CCDC42: variants seen among roughly 807,000 people sequenced by gnomAD.
CCDC42 encodes coiled-coil domain-containing protein 42.
A neutral mutation model predicts 40.8 loss-of-function variants in CCDC42; 38 were observed. The observed-to-expected ratio is 0.93, with a 90% confidence interval of 0.72 to 1.22. The LOEUF (loss-of-function observed/expected upper bound fraction) is 1.22, where lower values mean the gene tolerates loss of function less well. CCDC42 is among the 50% of genes most tolerant of loss of function. The probability of loss-of-function intolerance (pLI) is 0.00; values close to 1 mark genes in which losing one functional copy is unlikely to be tolerated. For missense variants in CCDC42, 379 were observed against 416.5 expected, an observed-to-expected ratio of 0.91 and a Z score of 0.78; for synonymous variants, 135 against 157.5, an observed-to-expected ratio of 0.86 and a Z score of 1.07.
rs749601477 is a variant in CCDC42 at position 8,741,504 on chromosome 17, C to T, written c.462G>A (p.Lys154=). The T allele has an allele frequency of 1.2e-5, 20 of 1,614,114 alleles. No individual in the cohort carries two copies. The South Asian group carries it at 1.6e-4, about 13-fold the overall frequency. The change falls in exon 4 of 7, where the codon AAG becomes AAA. Residue 154 remains lysine (K), a synonymous_variant. Coordinates refer to ENST00000293845, the MANE Select transcript of CCDC42 (RefSeq NM_144681.3). ...AGTTCTCCACCACCTTCTCTAGGTA[C>T]TTGTTGAAGATGTAGTAGTCCTTCA... ...AKLKDYYIFN[K]YLEKVVENSE...
At chr17:8,740,723 G>A (rs1313957768) in intron 4 of CCDC42, among the ~76,000 whole-genome samples, 1 of 152,068 alleles carries the variant, frequency 6.6e-6, no homozygotes, top group Non-Finnish European at 1.5e-5. Flanking sequence ...AAGTTCCCTG[G>A]GCTCCGGCTA....
intron 6 of CCDC42, among the ~76,000 whole-genome samples, chr17:8,733,085 C>T (rs532542917): frequency 9.3e-4 from 142 of 152,198 alleles, no homozygotes; most frequent in Non-Finnish European, 1.8e-3. Flanking sequence ...CACATTGTCT[C>T]GGAGGAAACC....
intron 2 of CCDC42, 149 bp from the exon 3 acceptor site, chr17:8,743,879 C>G: frequency 1.5e-6 from 1 of 666,910 alleles, no homozygotes; most frequent in Non-Finnish European, 2.6e-6. Flanking sequence ...ATGCCTGGCC[C>G]AGAGCAGAGC....
Position 8,744,728 on chromosome 17 carries a change from G to A in CCDC42, c.-119C>T, listed in dbSNP as rs2086668219. On this transcript the variant is annotated 5_prime_UTR_variant, in exon 1 of 7. Coordinates refer to ENST00000293845, the MANE Select transcript of CCDC42 (RefSeq NM_144681.3). ...CTTGTTTCTCCCTTCGGCCTACAGG[G>A]TCCCACAGATGATGGAGTTTGAGAC... The A allele has an allele frequency of 6.8e-5, 48 of 710,400 alleles. No individual in the cohort carries two copies. The South Asian group carries it at 7.3e-4, about 11-fold the overall frequency. The allele number at this position is 710,400 out of a possible 1,614,324, so 44.0% of individuals were successfully genotyped here.
chr17:8,735,290 A>T lies in CCDC42; in HGVS notation c.715-36T>A. 1 of 1,613,364 alleles carries T rather than the reference A, an allele frequency of 6.2e-7. No individual in the cohort carries two copies. Among genetic ancestry groups the T allele is most frequent in the Non-Finnish European group, 8.5e-7 (1 of 1,179,608 alleles). ...GATAAGGACGGGGCATGAGCACAGC[A>T]TGTGGTGTGTGTGTGTTTGTGTGTA... On this transcript the variant is annotated intron_variant, in intron 5 of 6. Transcript: ENST00000293845. This position sits in a 1 kb window ranked among gnomAD's most constrained non-coding sequence, Gnocchi z 4.7.
chr17:8,742,956 G>A (rs2086654036), intron 3 of CCDC42, among the ~76,000 whole-genome samples: 1 of 152,206 alleles, frequency 6.6e-6, no homozygotes, highest in Non-Finnish European at 1.5e-5. Context: ...AATGTGCCCA[G>A]TCCAAGGACT....
intron 3 of CCDC42, among the ~76,000 whole-genome samples, chr17:8,742,980 G>A (rs538114432): frequency 1.4e-4 from 22 of 152,300 alleles, no homozygotes; most frequent in Admixed American, 5.2e-4. Context: ...TGTCCCACAC[G>A]GCTTAGGCAC....
At chr17:8,731,961 G>A (rs922686773) in intron 6 of CCDC42, among the ~76,000 whole-genome samples, 3 of 151,724 alleles carry the variant, frequency 2.0e-5, no homozygotes, top group Admixed American at 6.6e-5. Context: ...TCAGGAGATC[G>A]AGACCATCCT....
Position 8,735,308 on chromosome 17 carries a change from T to C in CCDC42, c.715-54A>G. On this transcript the variant is annotated intron_variant, in intron 5 of 6. Transcript: ENST00000293845. The surrounding 1 kb of genome is among the most constrained non-coding windows in gnomAD (Gnocchi z 4.7). ...GCACAGCATGTGGTGTGTGTGTGTT[T>C]GTGTGTATGTGTGTGTGTGTATGCT... The C allele has an allele frequency of 6.2e-7, 1 of 1,611,442 alleles. No homozygotes were observed. The highest frequency in any genetic ancestry group is 8.5e-7 in the Non-Finnish European group (1 of 1,177,920).
chr17:8,735,217 T>C lies in CCDC42; in HGVS notation c.752A>G (p.Lys251Arg), dbSNP rs943367770. ...RWAHIQNTAAKKTLLLGTIKM... is the reference protein window; with the variant it reads ...RWAHIQNTAARKTLLLGTIKM... Reference sequence around the variant, plus strand: ...AATGGTGCCAAGCAGGAGGGTCTTCTTGGCTGCGGTGTTCTGGATGTGCGC... The same window carrying C: ...AATGGTGCCAAGCAGGAGGGTCTTCCTGGCTGCGGTGTTCTGGATGTGCGC... The change falls in exon 6 of 7, where the codon AAG becomes AGG. Residue 251 changes from lysine (K) to arginine (R), a missense_variant. Lys to Arg is a conservative substitution (Grantham distance 26). Coordinates refer to ENST00000293845, the MANE Select transcript of CCDC42 (RefSeq NM_144681.3). This position sits in a 1 kb window ranked among gnomAD's most constrained non-coding sequence, Gnocchi z 4.7. 3.7e-6 allele frequency: 6 copies of C among 1,614,174 alleles called. No homozygotes were observed. Among genetic ancestry groups the C allele is most frequent in the African/African-American group, 1.3e-5 (1 of 75,044 alleles).
chr17:8,735,127 G>A lies in CCDC42; in HGVS notation c.842C>T (p.Ala281Val). 6.2e-7 allele frequency: 1 copy of A among 1,614,178 alleles called. No homozygotes were observed. Among genetic ancestry groups the A allele is most frequent in the Non-Finnish European group, 8.5e-7 (1 of 1,180,032 alleles). ...CAGCTGCTTGTGGGTGTCCTCCAGTGCCACCTCAGTCACCTCCTTCAGGTG... is the reference window on the plus strand; with the variant it reads ...CAGCTGCTTGTGGGTGTCCTCCAGTACCACCTCAGTCACCTCCTTCAGGTG... Reference protein sequence around the residue: ...SKHLKEVTEVALEDTHKQLDM... With the variant: ...SKHLKEVTEVVLEDTHKQLDM... Residue 281 changes from alanine to valine, a missense_variant, in exon 6 of 7, where the codon GCA (alanine) becomes GTA (valine). Ala to Val is a moderately conservative substitution (Grantham distance 64, BLOSUM62 0). Transcript: ENST00000293845. The surrounding 1 kb of genome is among the most constrained non-coding windows in gnomAD (Gnocchi z 4.7).
At position 8,741,320 on chromosome 17, in the gene CCDC42, G is replaced by C. The variant is rs375761285; in HGVS notation, c.492+154C>G. On this transcript the variant is annotated intron_variant, in intron 4 of 6. Transcript: ENST00000293845. ...CCAGGGCTGGGTGCATCTCCTCGGAGCAGGGTGCCCATCCTGCAGAGCTCC... is the reference window on the plus strand; with the variant it reads ...CCAGGGCTGGGTGCATCTCCTCGGACCAGGGTGCCCATCCTGCAGAGCTCC... Among the ~76,000 whole-genome samples, 16 of 152,300 alleles carry C rather than the reference G, an allele frequency of 1.1e-4. No homozygotes were observed. The East Asian group carries it at 1.9e-3, about 18-fold the overall frequency.
intron 6 of CCDC42, among the ~76,000 whole-genome samples, chr17:8,732,039 G>A (rs1222590390): frequency 2.0e-5 from 3 of 151,864 alleles, no homozygotes; most frequent in South Asian, 2.1e-4. Flanking sequence ...GGTGGCTCAA[G>A]CCTGTAATCC....
chr17:8,744,127 CT>C lies in CCDC42; in HGVS notation c.140del (p.Lys47ArgfsTer26), dbSNP rs1439413488. 6.2e-7 allele frequency: 1 copy of C among 1,613,716 alleles called. No homozygotes were observed. Among genetic ancestry groups the C allele is most frequent in the Non-Finnish European group, 8.5e-7 (1 of 1,179,954 alleles). ...GATGCATGATTTCTGTCTCCTTTTT[CT>C]TCTCCAGTAGCCAGATGGATGGGGA... The part of the protein sequence containing the change: ...SESPSIWLLE[K>X]KKETEIMHQT... On this transcript the variant is annotated frameshift_variant, in exon 2 of 7. Coordinates refer to ENST00000293845, the MANE Select transcript of CCDC42 (RefSeq NM_144681.3). LOFTEE classifies it high-confidence loss of function.
intron 6 of CCDC42, among the ~76,000 whole-genome samples, chr17:8,733,573 C>G (rs2086592537): frequency 6.6e-6 from 1 of 152,240 alleles, no homozygotes; most frequent in South Asian, 2.1e-4. Flanking sequence ...TCACTACAAC[C>G]TCCGCCTCCC....
At chr17:8,734,747 A>G (rs1168809539) in intron 6 of CCDC42, among the ~76,000 whole-genome samples, 4 of 152,174 alleles carry the variant, frequency 2.6e-5, no homozygotes. Context: ...GCTGTTTTGC[A>G]CAACTAATGG....
intron 1 of CCDC42, 24 bp downstream of exon 1, chr17:8,744,503 G>T: frequency 6.3e-7 from 1 of 1,592,934 alleles, no homozygotes. Context: ...AGAGGGGTGG[G>T]CAAGCCAGGC....
chr17:8,738,923 G>A (rs1360816694), intron 4 of CCDC42, among the ~76,000 whole-genome samples: 2 of 152,196 alleles, frequency 1.3e-5, no homozygotes, highest in African/African-American at 4.8e-5. Context: ...GATTTGGAAG[G>A]ACACAAAGGA....
At position 8,735,947 on chromosome 17, in the gene CCDC42, T is replaced by C. The variant is rs1322209693; in HGVS notation, c.493-336A>G. 1.3e-5 allele frequency among the ~76,000 whole-genome samples: 2 copies of C among 152,186 alleles called. No individual in the cohort carries two copies. The highest frequency in any genetic ancestry group is 2.9e-5 in the Non-Finnish European group (2 of 68,026). Reference sequence around the variant, plus strand: ...AGAGATTCAGATGAATAAACAAGTCTTCTGTGGTCTCTGGCATCTGAATTT... The same window carrying C: ...AGAGATTCAGATGAATAAACAAGTCCTCTGTGGTCTCTGGCATCTGAATTT... On this transcript the variant is annotated intron_variant, in intron 4 of 6. Transcript: ENST00000293845. The surrounding 1 kb of genome is among the most constrained non-coding windows in gnomAD (Gnocchi z 4.7).
Sources: allele counts gnomAD v4.1 joint callset (sites outside exome capture counted in the v4.1 genomes callset), GRCh38; gene constraint gnomAD v4.1.1; non-coding constraint Gnocchi (gnomAD v3.1); transcripts MANE v1.5; gene names NCBI Gene and HGNC (gene_info 2026-07-23, HGNC 2026-07-21).